Variants in ADCY5 observed in about 807,000 individuals in gnomAD.
The protein encoded by ADCY5 is adenylate cyclase 5, also known as adenylate cyclase type 5.
ADCY5 carries 30 observed loss-of-function variants against 119.7 expected under a neutral mutation model. That is an observed-to-expected ratio of 0.25 (90% CI 0.19 to 0.34). ADCY5 has a LOEUF of 0.34. Ranked by LOEUF, ADCY5 falls within the 10% of genes least tolerant of loss-of-function variation. The pLI is 1.00. For synonymous variants in ADCY5, 753 were observed against 762.2 expected (o/e 0.99, Z 0.20); for missense variants, 1,324 against 1,775.2 (o/e 0.75, Z 4.57).
At chr3:123,435,908 T>C (rs1051147321) in intron 1 of ADCY5, among the ~76,000 whole-genome samples, 2 of 146,272 alleles carry the variant, frequency 1.4e-5, no homozygotes, top group African/African-American at 2.5e-5. Context: ...TATTATTTTC[T>C]GAGATGGAGT....
chr3:123,328,518 C>G (rs1941602910), intron 6 of ADCY5, 126 bp downstream of exon 6: 5 of 1,168,298 alleles, frequency 4.3e-6, no homozygotes, highest in Non-Finnish European at 6.1e-6. Context: ...AGCGCCCCCA[C>G]AGGTGCTTGC....
chr3:123,336,597 G>A (rs1367579928), intron 3 of ADCY5, among the ~76,000 whole-genome samples: 1 of 152,170 alleles, frequency 6.6e-6, no homozygotes, highest in Non-Finnish European at 1.5e-5. Flanking sequence ...GTAACACACA[G>A]CACCAGGAAG....
At chr3:123,371,803 C>T (rs1943651643) in intron 1 of ADCY5, among the ~76,000 whole-genome samples, 1 of 152,368 alleles carries the variant, frequency 6.6e-6, no homozygotes, top group East Asian at 1.9e-4. Flanking sequence ...CCCTGCATAT[C>T]TACACAGTGA....
intron 1 of ADCY5, among the ~76,000 whole-genome samples, chr3:123,357,664 C>T (rs921650751): frequency 4.6e-5 from 7 of 152,134 alleles, no homozygotes; most frequent in African/African-American, 1.7e-4. Flanking sequence ...AGGGGGATTT[C>T]AGCAAGTTGG....
chr3:123,317,746 G>C (rs1940993659), intron 11 of ADCY5, among the ~76,000 whole-genome samples: 2 of 103,784 alleles, frequency 1.9e-5, no homozygotes, highest in Admixed American at 9.8e-5. Context: ...CCACCACGCC[G>C]ACCCAAAAAA....
At chr3:123,325,859 C>T (rs1003360730) in intron 7 of ADCY5, among the ~76,000 whole-genome samples, 2 of 152,248 alleles carry the variant, frequency 1.3e-5, no homozygotes, top group African/African-American at 2.4e-5. Context: ...CCCAGCTGCC[C>T]GCACTGTGCT....
chr3:123,389,374 C>A (rs766371778), intron 1 of ADCY5, among the ~76,000 whole-genome samples: 1 of 152,076 alleles, frequency 6.6e-6, no homozygotes, highest in Non-Finnish European at 1.5e-5. Flanking sequence ...GAGTTAGGAA[C>A]GCAGCTTCGA....
At chr3:123,289,664 G>A (rs534015057) in intron 19 of ADCY5, 86 bp downstream of exon 19, 87 of 1,478,024 alleles carry the variant, frequency 5.9e-5, no homozygotes, top group East Asian at 2.0e-4. Context: ...CCACAATGGC[G>A]GATGCGGTAT....
chr3:123,398,872 A>G (rs906107111), intron 1 of ADCY5, among the ~76,000 whole-genome samples: 1 of 152,208 alleles, frequency 6.6e-6, no homozygotes, highest in African/African-American at 2.4e-5. Flanking sequence ...AAAACTGTAA[A>G]GGATCATCTT....
At chr3:123,408,913 T>G (rs929166205) in intron 1 of ADCY5, among the ~76,000 whole-genome samples, 1 of 152,024 alleles carries the variant, frequency 6.6e-6, no homozygotes, top group African/African-American at 2.4e-5. Flanking sequence ...AGGCAGAGGT[T>G]GCAGTGAGCC....
intron 1 of ADCY5, among the ~76,000 whole-genome samples, chr3:123,362,191 A>C (rs1190394370): frequency 6.6e-6 from 1 of 152,212 alleles, no homozygotes; most frequent in Non-Finnish European, 1.5e-5. Context: ...TAGGAGCAGA[A>C]TTGCTGGGTC....
At chr3:123,400,689 G>C (rs966072123) in intron 1 of ADCY5, among the ~76,000 whole-genome samples, 5 of 152,202 alleles carry the variant, frequency 3.3e-5, no homozygotes, top group Non-Finnish European at 5.9e-5. Context: ...GCTCACGCCT[G>C]TAATCCCAGC....
rs150782259 is a variant in ADCY5, at chr3:123,347,841, G to A, written c.1347C>T (p.Asn449=). 126 of 1,614,034 alleles carry A rather than the reference G, an allele frequency of 7.8e-5. 1 individual carries two copies. The South Asian group carries it at 9.6e-4, about 12-fold the overall frequency. ...HVAMEMKADI[N]AKQEDMMFHK... is the part of the protein sequence containing the mutation. ...GGAACATCATATCCTCCTGCTTGGC[G>A]TTGATGTCTGCTTTCATCTCCATGG... is the stretch of plus-strand genomic sequence containing the variant. Residue 449 remains asparagine, a synonymous_variant, in exon 3 of 21, where the codon AAC becomes AAT. Transcript: ENST00000462833.
chr3:123,357,060 G>C (rs1320579994), intron 1 of ADCY5, among the ~76,000 whole-genome samples: 1 of 152,136 alleles, frequency 6.6e-6, no homozygotes, highest in Non-Finnish European at 1.5e-5. Flanking sequence ...TAGATCAGTG[G>C]TTGCCAGGGA....
intron 18 of ADCY5, among the ~76,000 whole-genome samples, chr3:123,290,715 C>T (rs1048654558): frequency 6.6e-6 from 1 of 152,196 alleles, no homozygotes; most frequent in Non-Finnish European, 1.5e-5. Flanking sequence ...TGGGCACAGA[C>T]ACTGGGTTGT....
intron 3 of ADCY5, among the ~76,000 whole-genome samples, chr3:123,334,435 G>C (rs1371448503): frequency 6.6e-6 from 1 of 152,160 alleles, no homozygotes; most frequent in African/African-American, 2.4e-5. Context: ...ATGTGTATTG[G>C]TACATTAAGC....
At chr3:123,347,674 T>A in intron 3 of ADCY5, 108 bp downstream of exon 3, 1 of 1,451,954 alleles carries the variant, frequency 6.9e-7, no homozygotes, top group Non-Finnish European at 9.5e-7. Context: ...CACTCCAAAG[T>A]CACCAAGCCA....
intron 1 of ADCY5, among the ~76,000 whole-genome samples, chr3:123,387,674 CT>C (rs1944269298): frequency 6.6e-6 from 1 of 152,216 alleles, no homozygotes; most frequent in East Asian, 1.9e-4. Flanking sequence ...TTAAAAAGGC[CT>C]ATTGCAGATG....
At chr3:123,406,809 C>T (rs1453141155) in intron 1 of ADCY5, among the ~76,000 whole-genome samples, 2 of 152,162 alleles carry the variant, frequency 1.3e-5, no homozygotes, top group Admixed American at 6.5e-5. Flanking sequence ...GCCCTCTCAA[C>T]AGTGCCTGGG....
Sources: allele counts gnomAD v4.1 joint callset (sites outside exome capture counted in the v4.1 genomes callset), GRCh38; gene constraint gnomAD v4.1.1; transcripts MANE v1.5; gene names NCBI Gene and HGNC (gene_info 2026-07-23, HGNC 2026-07-21).